Variants in GRIN3A observed in about 807,000 individuals in gnomAD.
GRIN3A encodes the protein glutamate ionotropic receptor NMDA type subunit 3A.
GRIN3A carries 47 observed loss-of-function variants against 92.4 expected under a neutral mutation model. The observed-to-expected ratio is 0.51, with a 90% confidence interval of 0.40 to 0.65. The LOEUF (loss-of-function observed/expected upper bound fraction) is 0.65. Among genes scored for constraint, GRIN3A ranks in the 30% least tolerant of loss-of-function variants. The pLI is 0.00. For synonymous variants in GRIN3A, 527 were observed against 540.6 expected, an observed-to-expected ratio of 0.97 and a Z score of 0.35; for missense variants, 1,324 against 1,393.1, an observed-to-expected ratio of 0.95 and a Z score of 0.79.
At chr9:101,675,589 T>C (rs1017164742) in intron 2 of GRIN3A, among the ~76,000 whole-genome samples, 3 of 151,904 alleles carry the variant, frequency 2.0e-5, no homozygotes, top group African/African-American at 7.2e-5. Flanking sequence ...TTATATTCTA[T>C]TGAAGGAGAC....
In GRIN3A at chr9:101,579,965, G is replaced by T. The variant is rs529089110; in HGVS notation, c.2767-605C>A. On this transcript the variant is annotated intron_variant, in intron 6 of 8. Coordinates refer to ENST00000361820, the MANE Select transcript of GRIN3A (RefSeq NM_133445.3). ...AACTTGTGGGGGATGCATAGTGAGG[G>T]TTTTCATGTCCTCTGCTTCACATTT... is the stretch of plus-strand genomic sequence containing the variant. Among the ~76,000 whole-genome samples the T allele has an allele frequency of 5.9e-5, 9 of 152,206 alleles. No individual in the cohort carries two copies. The South Asian group carries it at 1.9e-3, about 32-fold the overall frequency.
At chr9:101,707,659 A>G (rs893732500) in intron 1 of GRIN3A, among the ~76,000 whole-genome samples, 1 of 152,168 alleles carries the variant, frequency 6.6e-6, no homozygotes, top group Non-Finnish European at 1.5e-5. Context: ...CCCAGTAATA[A>G]CAGAGACATT....
chr9:101,687,413 T>A (rs1829553368), intron 1 of GRIN3A, among the ~76,000 whole-genome samples: 1 of 152,168 alleles, frequency 6.6e-6, no homozygotes, highest in Admixed American at 6.5e-5. Context: ...TTGCTAAGAG[T>A]ACCAGAGGGT....
At chr9:101,687,933 A>G (rs1271517529) in intron 1 of GRIN3A, among the ~76,000 whole-genome samples, 3 of 152,206 alleles carry the variant, frequency 2.0e-5, no homozygotes, top group East Asian at 3.9e-4. Context: ...AGAGAAACTT[A>G]TTTGAAAAGT....
intron 3 of GRIN3A, among the ~76,000 whole-genome samples, chr9:101,639,034 A>C (rs1010731995): frequency 6.6e-6 from 1 of 152,152 alleles, no homozygotes. Context: ...ATGCCCTACG[A>C]GGTAGGCTCT....
intron 1 of GRIN3A, among the ~76,000 whole-genome samples, chr9:101,699,917 T>C (rs751653412): frequency 6.6e-6 from 1 of 152,174 alleles, no homozygotes; most frequent in African/African-American, 2.4e-5. Flanking sequence ...CAGAACTTGC[T>C]TTGCCTCTTT....
At chr9:101,601,897 C>A (rs1828215999) in intron 6 of GRIN3A, among the ~76,000 whole-genome samples, 1 of 152,164 alleles carries the variant, frequency 6.6e-6, no homozygotes, top group South Asian at 2.1e-4. Context: ...CAAACCAGAA[C>A]ACATTCTGAG....
rs914187945 is a variant in GRIN3A at position 101,625,454 on chromosome 9, G to A, written c.2499-2021C>T. ...CAGGGCAGGAAACACATCCTTACAC[G>A]AATGGCTTTGTCTGGGTCATGTATA... On this transcript the variant is annotated intron_variant, in intron 4 of 8. Transcript: ENST00000361820. 4.6e-5 allele frequency among the ~76,000 whole-genome samples: 7 copies of A among 152,144 alleles called. No individual in the cohort carries two copies. In the South Asian group the frequency reaches 6.2e-4, roughly 13 times the overall value.
intron 5 of GRIN3A, among the ~76,000 whole-genome samples, chr9:101,618,899 A>C (rs1385425555): frequency 2.0e-5 from 3 of 152,204 alleles, no homozygotes; most frequent in Non-Finnish European, 4.4e-5. Flanking sequence ...GTGGCTTTGC[A>C]ATAAAGACAG....
At chr9:101,607,019 G>A (rs373510744) in intron 6 of GRIN3A, among the ~76,000 whole-genome samples, 1 of 147,830 alleles carries the variant, frequency 6.8e-6, no homozygotes, top group African/African-American at 2.5e-5. Context: ...AGAGGCACAG[G>A]TGTGCAGGGA....
chr9:101,592,825 C>T (rs1359748515), intron 6 of GRIN3A: 1 of 151,490 alleles, frequency 6.6e-6, no homozygotes, highest in Admixed American at 6.6e-5. Flanking sequence ...CAGTAAATCT[C>T]CTTGAAACAG....
At position 101,613,453 on chromosome 9, in the gene GRIN3A, G is replaced by A. The variant is rs145510689; in HGVS notation, c.2689C>T (p.His897Tyr). 10 of 1,614,182 alleles carry A rather than the reference G, an allele frequency of 6.2e-6. No individual in the cohort carries two copies. The highest frequency in any genetic ancestry group is 8.5e-6 in the Non-Finnish European group (10 of 1,180,024). Reference sequence around the variant, plus strand: ...TCATGGAGCATATCCATAAACCCATGTGACTTGTATTGACTGATTAGCTCG... The same window carrying A: ...TCATGGAGCATATCCATAAACCCATATGACTTGTATTGACTGATTAGCTCG... ...ISELISQYKS[H>Y]GFMDMLHDKW... Residue 897 changes from histidine (H) to tyrosine (Y), a missense_variant, in exon 6 of 9, where the codon CAT becomes TAT. Physicochemically the swap from His to Tyr is moderately conservative, Grantham distance 83 (BLOSUM62 2). Coordinates refer to ENST00000361820, the MANE Select transcript of GRIN3A (RefSeq NM_133445.3).
At chr9:101,580,359 G>A (rs1434259703) in intron 6 of GRIN3A, among the ~76,000 whole-genome samples, 1 of 152,178 alleles carries the variant, frequency 6.6e-6, no homozygotes, top group East Asian at 1.9e-4. Context: ...TTAATCCACT[G>A]TGCAAATGGC....
At chr9:101,713,691 G>A (rs1289668275) in intron 1 of GRIN3A, among the ~76,000 whole-genome samples, 1 of 152,128 alleles carries the variant, frequency 6.6e-6, no homozygotes, top group African/African-American at 2.4e-5. Flanking sequence ...TAAGTTAGAC[G>A]GTGCAGTCCA....
intron 3 of GRIN3A, among the ~76,000 whole-genome samples, chr9:101,634,007 C>T (rs960289815): frequency 2.6e-5 from 4 of 152,090 alleles, no homozygotes; most frequent in African/African-American, 4.8e-5. Context: ...TACGCTGTTA[C>T]TTCTCTGCTT....
chr9:101,670,184 C>G lies in GRIN3A; in HGVS notation c.2228G>C (p.Arg743Thr). 1.2e-6 allele frequency: 2 copies of G among 1,613,916 alleles called. No homozygotes were observed. The highest frequency in any genetic ancestry group is 1.7e-6 in the Non-Finnish European group (2 of 1,179,872). Residue 743 changes from arginine (R) to threonine (T), a missense_variant, in exon 3 of 9, where the codon AGG becomes ACG. Arg to Thr is a moderately conservative substitution (Grantham distance 71). Transcript: ENST00000361820. ...AATGGCCCAAAGGTTCATTAGAAACCTTCCAGTCCAACATTTTGGAGGTTT... is the reference window on the plus strand; with the variant it reads ...AATGGCCCAAAGGTTCATTAGAAACGTTCCAGTCCAACATTTTGGAGGTTT... ...AIKPPKCWTGRFLMNLWAIFC... is the reference protein window; with the variant it reads ...AIKPPKCWTGTFLMNLWAIFC...
At chr9:101,605,732 T>G (rs1015875042) in intron 6 of GRIN3A, among the ~76,000 whole-genome samples, 5 of 152,308 alleles carry the variant, frequency 3.3e-5, no homozygotes, top group African/African-American at 1.2e-4. Context: ...ATAAAATCAC[T>G]GGAGAGTTTA....
At chr9:101,580,984 A>G (rs1211735595) in intron 6 of GRIN3A, among the ~76,000 whole-genome samples, 1 of 152,224 alleles carries the variant, frequency 6.6e-6, no homozygotes, top group Non-Finnish European at 1.5e-5. Context: ...TTATTTAGCC[A>G]TTGACATCAA....
At chr9:101,623,918 G>A (rs1187051511) in intron 4 of GRIN3A, among the ~76,000 whole-genome samples, 1 of 152,248 alleles carries the variant, frequency 6.6e-6, no homozygotes, top group Non-Finnish European at 1.5e-5. Context: ...ACTAGGTTCA[G>A]ATGAAGGGTG....
Sources: gnomAD v4.1 joint callset for allele counts (sites outside exome capture counted in the v4.1 genomes callset) on GRCh38, gnomAD v4.1.1 for gene constraint, MANE v1.5 for transcripts, NCBI Gene and HGNC (gene_info 2026-07-23, HGNC 2026-07-21) for gene names.